CCNJL: variants seen among roughly 807,000 people sequenced by gnomAD.
The protein encoded by CCNJL is cyclin-J-like protein.
A neutral mutation model predicts 33.4 loss-of-function variants in CCNJL; 33 were observed. The observed-to-expected ratio is 0.99, with a 90% CI of 0.75 to 1.32. The LOEUF (loss-of-function observed/expected upper bound fraction) is 1.32, where lower values mean the gene tolerates loss of function less well. Among genes scored for constraint, CCNJL ranks in the 40% most tolerant of loss-of-function variants. The pLI, the probability that CCNJL is intolerant of heterozygous loss-of-function variation, is 0.00. For synonymous variants in CCNJL, 227 were observed against 220.9 expected, an observed-to-expected ratio of 1.03 and a Z score of -0.24; for missense variants, 512 against 499.7, an observed-to-expected ratio of 1.02 and a Z score of -0.23.
intron 2 of CCNJL, among the ~76,000 whole-genome samples, chr5:160,302,868 G>C (rs1172939792): frequency 6.6e-6 from 1 of 151,940 alleles, no homozygotes; most frequent in Non-Finnish European, 1.5e-5. Flanking sequence ...ATAATGAAAT[G>C]GTAAAGTGTG....
chr5:160,337,594 T>C (rs559331088), intron 1 of CCNJL, among the ~76,000 whole-genome samples: 29 of 152,180 alleles, frequency 1.9e-4, no homozygotes, highest in African/African-American at 6.7e-4. Flanking sequence ...GCCAACCATG[T>C]TGACTCCCAC....
At chr5:160,303,309 G>A (rs1481464312) in intron 2 of CCNJL, among the ~76,000 whole-genome samples, 4 of 152,056 alleles carry the variant, frequency 2.6e-5, no homozygotes, top group South Asian at 4.1e-4. Context: ...GGGTTCAAGC[G>A]ATTCTCCTGC....
intron 1 of CCNJL, among the ~76,000 whole-genome samples, chr5:160,337,613 C>T (rs376990972): frequency 1.5e-4 from 23 of 152,072 alleles, no homozygotes; most frequent in African/African-American, 5.6e-4. Flanking sequence ...ACCTTAGGGA[C>T]GTTGCATTGA....
At chr5:160,301,880 C>T (rs1762934766) in intron 2 of CCNJL, among the ~76,000 whole-genome samples, 1 of 151,952 alleles carries the variant, frequency 6.6e-6, no homozygotes, top group African/African-American at 2.4e-5. Flanking sequence ...CAGGCATGTG[C>T]CACCACGCCC....
intron 3 of CCNJL, among the ~76,000 whole-genome samples, chr5:160,260,416 A>G (rs979600312): frequency 6.6e-6 from 1 of 152,210 alleles, no homozygotes; most frequent in African/African-American, 2.4e-5. Flanking sequence ...CCAAAAGGAC[A>G]CAAGCGAGTC....
intron 3 of CCNJL, among the ~76,000 whole-genome samples, chr5:160,267,295 C>A (rs945441688): frequency 6.6e-6 from 1 of 151,994 alleles, no homozygotes; most frequent in Non-Finnish European, 1.5e-5. Context: ...TGGCAACGAC[C>A]CTGGGAGGTT....
chr5:160,260,033 C>T (rs1204084857), intron 3 of CCNJL, among the ~76,000 whole-genome samples: 2 of 152,224 alleles, frequency 1.3e-5, no homozygotes, highest in East Asian at 1.9e-4. Flanking sequence ...AAGATGGAAC[C>T]TATACTTCAT....
chr5:160,314,671 C>G (rs1763358341), upstream of CCNJL, among the ~76,000 whole-genome samples: 1 of 152,166 alleles, frequency 6.6e-6, no homozygotes, highest in African/African-American at 2.4e-5. Flanking sequence ...ATATTTTTAA[C>G]AAATGTGACA....
chr5:160,304,118 T>G (rs1242266497), intron 2 of CCNJL, among the ~76,000 whole-genome samples: 7 of 152,180 alleles, frequency 4.6e-5, no homozygotes, highest in African/African-American at 9.7e-5. Context: ...CCTTCAAAGG[T>G]AATTTGCTTC....
At chr5:160,325,559 G>T (rs765847554) in intron 1 of CCNJL, among the ~76,000 whole-genome samples, 22 of 152,142 alleles carry the variant, frequency 1.4e-4, no homozygotes, top group Non-Finnish European at 3.1e-4. Flanking sequence ...ACTATTGCCT[G>T]TTCCAGGGGA....
At chr5:160,259,306 C>G (rs1761212182) in intron 4 of CCNJL, among the ~76,000 whole-genome samples, 163 bp downstream of exon 4, 1 of 152,200 alleles carries the variant, frequency 6.6e-6, no homozygotes, top group Non-Finnish European at 1.5e-5. Context: ...CGAATCCTTG[C>G]CCTTTCTTTG....
At chr5:160,295,251 G>C (rs1561798644) in intron 2 of CCNJL, among the ~76,000 whole-genome samples, 1 of 152,240 alleles carries the variant, frequency 6.6e-6, no homozygotes, top group Non-Finnish European at 1.5e-5. Context: ...AGCACTTTGG[G>C]AGGCCAAGGA....
intron 2 of CCNJL, among the ~76,000 whole-genome samples, chr5:160,285,287 GT>G (rs1762367079): frequency 6.6e-6 from 1 of 152,208 alleles, no homozygotes; most frequent in Non-Finnish European, 1.5e-5. Flanking sequence ...CATCTTCATG[GT>G]TTGATGAATT....
intron 1 of CCNJL, chr5:160,327,088 A>G: frequency 1.3e-5 from 4 of 305,064 alleles, no homozygotes; most frequent in South Asian, 1.2e-4. Flanking sequence ...TTATTACAAG[A>G]TGGCAATAAA....
chr5:160,261,666 C>T (rs1169460602), intron 3 of CCNJL, among the ~76,000 whole-genome samples: 3 of 152,126 alleles, frequency 2.0e-5, no homozygotes, highest in South Asian at 2.1e-4. Flanking sequence ...GATCCAGCCA[C>T]GTGGGACTCC....
chr5:160,308,780 C>CA (rs796459641), intron 2 of CCNJL, among the ~76,000 whole-genome samples: 1 of 152,070 alleles, frequency 6.6e-6, no homozygotes, highest in Non-Finnish European at 1.5e-5. Flanking sequence ...ACCAAACAAA[C>CA]AAAAAACAGA....
At chr5:160,255,427 C>T in intron 5 of CCNJL, 122 bp downstream of exon 5, 1 of 858,618 alleles carries the variant, frequency 1.2e-6, no homozygotes. Context: ...TCCCTGAGAC[C>T]CTGTAGCTGG....
chr5:160,271,349 C>T lies in CCNJL; in HGVS notation c.280+9176G>A, dbSNP rs139119890. On this transcript the variant is annotated intron_variant, in intron 3 of 5. Transcript: ENST00000257536. ...CAGCTTGAAATACAACCCCCACTCC[C>T]GGAAAACAAAAATAAAATTAAAATA... 6.1e-4 allele frequency among the ~76,000 whole-genome samples: 93 copies of T among 151,838 alleles called. 1 individual carries two copies. The East Asian group carries it at 0.015, about 25-fold the overall frequency.
intron 3 of CCNJL, among the ~76,000 whole-genome samples, chr5:160,272,337 C>G (rs1439382820): frequency 6.6e-6 from 1 of 152,138 alleles, no homozygotes; most frequent in Non-Finnish European, 1.5e-5. Flanking sequence ...GGGAGGAAGA[C>G]AGGCCTCTCC....
Sources: gnomAD v4.1 joint callset for allele counts (sites outside exome capture counted in the v4.1 genomes callset) on GRCh38, gnomAD v4.1.1 for gene constraint, MANE v1.5 for transcripts, NCBI Gene and HGNC (gene_info 2026-07-23, HGNC 2026-07-21) for gene names.